The following CTTNBP2 variants were observed in gnomAD, a reference collection of about 807,000 sequenced individuals.
CTTNBP2 encodes the protein cortactin-binding protein 2.
CTTNBP2 carries 108 observed loss-of-function variants against 156.9 expected under a neutral mutation model. That is an observed-to-expected ratio of 0.69 (90% CI 0.59 to 0.81). The LOEUF is 0.81. Ranked by LOEUF, CTTNBP2 falls within the 30% of genes least tolerant of loss-of-function variation. CTTNBP2 has a pLI of 0.00. For synonymous variants in CTTNBP2, 767 were observed against 751.8 expected, an observed-to-expected ratio of 1.02 and a Z score of -0.33; for missense variants, 1,924 against 2,035.4, an observed-to-expected ratio of 0.95 and a Z score of 1.05.
intron 2 of CTTNBP2, among the ~76,000 whole-genome samples, chr7:117,830,948 T>C (rs1484868582): frequency 6.6e-6 from 1 of 152,220 alleles, no homozygotes; most frequent in Admixed American, 6.5e-5. Flanking sequence ...AAAAAGATAA[T>C]GTTTTCACAT....
At chr7:117,777,417 A>G in intron 8 of CTTNBP2, 94 bp downstream of exon 8, 1 of 1,274,488 alleles carries the variant, frequency 7.8e-7, no homozygotes, top group South Asian at 1.4e-5. Context: ...TCAGTCTCCA[A>G]TTATTCAATT....
At chr7:117,849,763 T>A (rs1175460817) in intron 2 of CTTNBP2, among the ~76,000 whole-genome samples, 2 of 152,192 alleles carry the variant, frequency 1.3e-5, no homozygotes, top group Non-Finnish European at 2.9e-5. Context: ...CGTCCATAAT[T>A]CATCTTCATT....
Position 117,746,049 on chromosome 7 carries a change from T to C in CTTNBP2, c.3399A>G (p.Gln1133=), listed in dbSNP as rs1459864854. 1 of 1,614,126 alleles carries C rather than the reference T, an allele frequency of 6.2e-7. No homozygotes were observed. Among genetic ancestry groups the C allele is most frequent in the African/African-American group, 1.3e-5 (1 of 75,064 alleles). ...VIFHGPEGSL[Q]DYIVHQLALC... is the part of the protein sequence containing the mutation. Reference sequence around the variant, plus strand: ...GTGCAAGCTGATGTACTATGTAGTCTTGCAAGCTTCCTTCTGGGCCGTGGA... The same window carrying C: ...GTGCAAGCTGATGTACTATGTAGTCCTGCAAGCTTCCTTCTGGGCCGTGGA... The change falls in exon 13 of 23, where the codon CAA becomes CAG. Residue 1133 remains glutamine, a synonymous_variant. Transcript: ENST00000160373.
chr7:117,837,158 C>T (rs181398017), intron 2 of CTTNBP2, among the ~76,000 whole-genome samples: 1 of 152,198 alleles, frequency 6.6e-6, no homozygotes, highest in South Asian at 2.1e-4. Flanking sequence ...AAAAGCTAGA[C>T]TTAGTCCTGT....
chr7:117,839,023 A>G (rs982202085), intron 2 of CTTNBP2, among the ~76,000 whole-genome samples: 1 of 151,660 alleles, frequency 6.6e-6, no homozygotes, highest in Admixed American at 6.6e-5. Context: ...ATCTTTAAAA[A>G]TATCTCCCAA....
chr7:117,727,985 A>G (rs886702446), intron 17 of CTTNBP2, 104 bp downstream of exon 17: 6 of 984,550 alleles, frequency 6.1e-6, no homozygotes, highest in Non-Finnish European at 6.1e-6. Context: ...CGTGTCAGTG[A>G]CAGGAGGTGG....
chr7:117,796,859 G>A (rs1799351314), intron 3 of CTTNBP2, among the ~76,000 whole-genome samples: 2 of 152,150 alleles, frequency 1.3e-5, no homozygotes, highest in African/African-American at 4.8e-5. Context: ...ATCAGAGAAA[G>A]TTCTGCTACC....
chr7:117,780,162 G>C (rs561440367), intron 7 of CTTNBP2, among the ~76,000 whole-genome samples: 13 of 152,130 alleles, frequency 8.5e-5, no homozygotes, highest in Non-Finnish European at 1.6e-4. Flanking sequence ...TACCTCCCTT[G>C]TCTGCCCTAG....
intron 2 of CTTNBP2, among the ~76,000 whole-genome samples, chr7:117,856,373 G>A (rs1292991500): frequency 6.6e-6 from 1 of 152,182 alleles, no homozygotes. Context: ...ATGGGTTGTT[G>A]AATGACCACT....
At chr7:117,736,782 T>C (rs937726026) in intron 14 of CTTNBP2, among the ~76,000 whole-genome samples, 1 of 152,226 alleles carries the variant, frequency 6.6e-6, no homozygotes, top group African/African-American at 2.4e-5. Flanking sequence ...GCACTTCCCA[T>C]ATACTAATCA....
At chr7:117,867,875 T>A (rs1804313405) in intron 1 of CTTNBP2, among the ~76,000 whole-genome samples, 1 of 152,068 alleles carries the variant, frequency 6.6e-6, no homozygotes, top group Non-Finnish European at 1.5e-5. Context: ...AGAAACTCAG[T>A]GTATTGAAAG....
At chr7:117,854,717 T>C (rs572827422) in intron 2 of CTTNBP2, among the ~76,000 whole-genome samples, 65 of 152,348 alleles carry the variant, frequency 4.3e-4, no homozygotes, top group African/African-American at 1.4e-3. Flanking sequence ...ACTGCATCAT[T>C]ATGCAACGTA....
chr7:117,842,973 T>G (rs1054285316), intron 2 of CTTNBP2, among the ~76,000 whole-genome samples: 2 of 152,156 alleles, frequency 1.3e-5, no homozygotes, highest in Non-Finnish European at 2.9e-5. Flanking sequence ...AGATATAGTA[T>G]AGTCAGCCCT....
At chr7:117,767,879 A>AAT (rs959235759) in intron 8 of CTTNBP2, among the ~76,000 whole-genome samples, 1 of 152,172 alleles carries the variant, frequency 6.6e-6, no homozygotes, top group African/African-American at 2.4e-5. Context: ...AGTAAGAGAC[A>AAT]ATATATATAC....
Position 117,787,560 on chromosome 7 carries a change from G to GA in CTTNBP2, c.2069-3107dup, listed in dbSNP as rs1197414607. Among the ~76,000 whole-genome samples the GA allele has an allele frequency of 3.9e-5, 6 of 152,228 alleles. No homozygotes were observed. The East Asian group carries it at 9.6e-4, about 24-fold the overall frequency. ...GTATCAAATAAAAAAAGAAAAAACAGAAAAAACAATTTCCAAGGGTATGGA... is the reference window on the plus strand; with the variant it reads ...GTATCAAATAAAAAAAGAAAAAACAGAAAAAAACAATTTCCAAGGGTATGGA... On this transcript the variant is annotated intron_variant, in intron 4 of 22. Transcript: ENST00000160373.
At chr7:117,837,319 C>T (rs1393237395) in intron 2 of CTTNBP2, among the ~76,000 whole-genome samples, 1 of 152,144 alleles carries the variant, frequency 6.6e-6, no homozygotes, top group Non-Finnish European at 1.5e-5. Flanking sequence ...CATCCACCAG[C>T]CTAATACACT....
intron 2 of CTTNBP2, among the ~76,000 whole-genome samples, chr7:117,817,333 C>CAAAAAAAAA (rs1165563266): frequency 3.7e-5 from 1 of 27,212 alleles, no homozygotes; most frequent in Admixed American, 7.0e-4. Context: ...GACTCCATCT[C>CAAAAAAAAA]AAAAAAAAAA....
chr7:117,715,512 C>T (rs559177849), intron 22 of CTTNBP2, among the ~76,000 whole-genome samples: 2 of 144,512 alleles, frequency 1.4e-5, no homozygotes, highest in African/African-American at 2.6e-5. Flanking sequence ...AAGTGGATTT[C>T]ATCATGCAAC....
In CTTNBP2 at chr7:117,836,550, G is replaced by C. The variant is rs184485778; in HGVS notation, c.189+24659C>G. ...TGCACTCCAGCCTGGGCGACAGAGC[G>C]AGACTCTGTCTCAAAAAAACAAAAC... On this transcript the variant is annotated intron_variant, in intron 2 of 22. Transcript: ENST00000160373. 2.6e-5 allele frequency among the ~76,000 whole-genome samples: 4 copies of C among 152,136 alleles called. No homozygotes were observed. The South Asian group carries it at 6.2e-4, about 24-fold the overall frequency.
Sources: allele counts gnomAD v4.1 joint callset (sites outside exome capture counted in the v4.1 genomes callset), GRCh38; gene constraint gnomAD v4.1.1; transcripts MANE v1.5; gene names NCBI Gene and HGNC (gene_info 2026-07-23, HGNC 2026-07-21).